Variants in INPP4B observed in about 807,000 individuals in gnomAD.
The protein encoded by INPP4B is inositol polyphosphate-4-phosphatase type II B.
In INPP4B, 55 loss-of-function variants were observed where a neutral mutation model predicts 122.5. That is an observed-to-expected ratio of 0.45 (90% CI 0.36 to 0.56). INPP4B has a LOEUF of 0.56. Among genes scored for constraint, INPP4B ranks in the 20% least tolerant of loss-of-function variants. INPP4B has a pLI of 0.00. For missense variants in INPP4B, 1,000 were observed against 1,097.7 expected, an observed-to-expected ratio of 0.91 and a Z score of 1.26; for synonymous variants, 403 against 388.7, an observed-to-expected ratio of 1.04 and a Z score of -0.43.
In INPP4B at chr4:142,767,859, T is replaced by C. The variant is rs1450042255; in HGVS notation, c.-253-41958A>G. 2.6e-5 allele frequency: 4 copies of C among 152,292 alleles called. No individual in the cohort carries two copies. In the East Asian group the frequency reaches 5.8e-4, roughly 22 times the overall value. 9.4% of individuals were successfully genotyped at this position (152,292 alleles called of 1,614,324 possible). On this transcript the variant is annotated intron_variant, in intron 1 of 25. Transcript: ENST00000262992. Reference sequence around the variant, plus strand: ...GCTCCTGTGCATCTGTGGTTGAGGGTTGCCCTGAGAATGTTAAATCCACTT... The same window carrying C: ...GCTCCTGTGCATCTGTGGTTGAGGGCTGCCCTGAGAATGTTAAATCCACTT...
intron 15 of INPP4B, among the ~76,000 whole-genome samples, chr4:142,176,134 T>TTATTA (rs1828096092): frequency 6.8e-6 from 1 of 146,702 alleles, no homozygotes; most frequent in Non-Finnish European, 1.5e-5. Flanking sequence ...ATTATTATTA[T>TTATTA]TATTATTATT....
At chr4:142,207,302 C>T (rs188170642) in intron 14 of INPP4B, among the ~76,000 whole-genome samples, 2 of 152,172 alleles carry the variant, frequency 1.3e-5, no homozygotes, top group Admixed American at 1.3e-4. Context: ...GGATAAACAC[C>T]CGGATGTGTG....
At chr4:142,312,203 A>C (rs2636669) in intron 8 of INPP4B, among the ~76,000 whole-genome samples, 113,266 of 152,046 alleles carry the variant, frequency 0.74, 42,566 homozygotes, top group African/African-American at 0.81. Flanking sequence ...TGTTTGAGGC[A>C]AGCAATCTCA....
chr4:142,575,664 G>A (rs1036557005), intron 2 of INPP4B, among the ~76,000 whole-genome samples: 1 of 151,970 alleles, frequency 6.6e-6, no homozygotes, highest in African/African-American at 2.4e-5. Flanking sequence ...GACAGGGATG[G>A]CATACTGGAA....
chr4:142,097,416 G>T (rs1282761761), intron 23 of INPP4B, among the ~76,000 whole-genome samples: 2 of 150,170 alleles, frequency 1.3e-5, no homozygotes. Context: ...AACCATGCCT[G>T]GCTAATTTTT....
intron 2 of INPP4B, among the ~76,000 whole-genome samples, chr4:142,609,235 T>C (rs114373011): frequency 0.011 from 1,745 of 151,772 alleles, 31 homozygotes; most frequent in African/African-American, 0.032. Flanking sequence ...TACTTATTTA[T>C]GTTTATTGTA....
At chr4:142,306,674 A>G (rs953330061) in intron 8 of INPP4B, among the ~76,000 whole-genome samples, 1 of 152,186 alleles carries the variant, frequency 6.6e-6, no homozygotes, top group Non-Finnish European at 1.5e-5. Flanking sequence ...TTTAACTTAG[A>G]TGAGCTGGTC....
chr4:142,150,268 C>T (rs187702202), intron 17 of INPP4B, among the ~76,000 whole-genome samples: 28 of 152,272 alleles, frequency 1.8e-4, no homozygotes, highest in Admixed American at 1.1e-3. Flanking sequence ...GGGAAGACAA[C>T]GGTAGCATAA....
At chr4:142,384,073 A>T in intron 7 of INPP4B, 1 of 702,104 alleles carries the variant, frequency 1.4e-6, no homozygotes, top group Non-Finnish European at 2.6e-6. Flanking sequence ...AGCTCTGAGG[A>T]CCTCAAGATC....
intron 25 of INPP4B, among the ~76,000 whole-genome samples, chr4:142,073,247 A>G (rs191661729): frequency 6.6e-6 from 1 of 152,270 alleles, no homozygotes; most frequent in East Asian, 1.9e-4. Flanking sequence ...ATGGAGTGTA[A>G]TTATGCATAA....
intron 15 of INPP4B, among the ~76,000 whole-genome samples, chr4:142,187,898 T>C (rs1226250594): frequency 6.6e-6 from 1 of 152,082 alleles, no homozygotes; most frequent in Non-Finnish European, 1.5e-5. Context: ...GCCTGGCCTA[T>C]ATTATGTATA....
At position 142,302,224 on chromosome 4, in the gene INPP4B, C is replaced by A. The variant is rs145143688; in HGVS notation, c.503+3234G>T. On this transcript the variant is annotated intron_variant, in intron 9 of 25. Transcript: ENST00000262992. ...CCATCATGATTAACATTCCCAAGTT[C>A]TCCCTGGCATAGGACCACTCTTCTA... Among the ~76,000 whole-genome samples, 404 of 152,228 alleles carry A rather than the reference C, an allele frequency of 2.7e-3. 8 individuals carry two copies. Among genetic ancestry groups the A allele is most frequent in the Admixed American group, 0.019 (285 of 15,278 alleles).
chr4:142,643,312 T>C (rs1750965395), intron 2 of INPP4B, among the ~76,000 whole-genome samples: 1 of 152,196 alleles, frequency 6.6e-6, no homozygotes, highest in Admixed American at 6.5e-5. Flanking sequence ...GTGTATGCTT[T>C]ATAATATTTA....
Position 142,379,674 on chromosome 4 carries a change from A to T in INPP4B, c.372+23264T>A, listed in dbSNP as rs568814535. Among the ~76,000 whole-genome samples, 14 of 152,326 alleles carry T rather than the reference A, an allele frequency of 9.2e-5. No individual in the cohort carries two copies. The South Asian group carries it at 2.9e-3, about 32-fold the overall frequency. On this transcript the variant is annotated intron_variant, in intron 7 of 25. Transcript: ENST00000262992. The stretch of plus-strand genomic sequence containing the variant: ...AGCTATTCCTAGCCAAAGCAGACTA[A>T]CATTTTATATTACTTATAAATAACT...
At chr4:142,772,554 G>A (rs533158040) in intron 1 of INPP4B, among the ~76,000 whole-genome samples, 13 of 152,106 alleles carry the variant, frequency 8.5e-5, no homozygotes, top group Non-Finnish European at 1.5e-4. Context: ...GCAGTAGCAG[G>A]AAGGTGCAAA....
chr4:142,400,557 A>G (rs1336300445), intron 7 of INPP4B, among the ~76,000 whole-genome samples: 1 of 152,238 alleles, frequency 6.6e-6, no homozygotes, highest in Non-Finnish European at 1.5e-5. Context: ...CCACATGTCC[A>G]TAGGAACTAT....
At chr4:142,714,441 C>T (rs904009746) in intron 2 of INPP4B, among the ~76,000 whole-genome samples, 3 of 152,060 alleles carry the variant, frequency 2.0e-5, no homozygotes, top group Non-Finnish European at 4.4e-5. Context: ...TGTTTGTTTT[C>T]CCTTTTGACC....
chr4:142,798,848 G>GTGTGTC (rs1777627376), intron 1 of INPP4B, among the ~76,000 whole-genome samples: 2 of 149,296 alleles, frequency 1.3e-5, no homozygotes, highest in African/African-American at 2.5e-5. Context: ...GTATATGTTT[G>GTGTGTC]TGTGTGTGTG....
chr4:142,689,003 A>G (rs1385379763), intron 2 of INPP4B, among the ~76,000 whole-genome samples: 2 of 152,096 alleles, frequency 1.3e-5, no homozygotes, highest in African/African-American at 4.8e-5. Flanking sequence ...GATCCGACCA[A>G]TAGCGCTCCC....
Sources: allele counts gnomAD v4.1 joint callset (sites outside exome capture counted in the v4.1 genomes callset), GRCh38; gene constraint gnomAD v4.1.1; transcripts MANE v1.5; gene names NCBI Gene and HGNC (gene_info 2026-07-23, HGNC 2026-07-21).